Variants in KCNT2 observed in about 807,000 individuals in gnomAD.
The protein encoded by KCNT2 is potassium channel subfamily T member 2.
KCNT2 carries 67 observed loss-of-function variants against 153.8 expected under a neutral mutation model. The ratio of observed to expected loss-of-function variants is 0.44; its 90% confidence interval spans 0.36 to 0.53. The LOEUF (loss-of-function observed/expected upper bound fraction) is 0.53. Among genes scored for constraint, KCNT2 ranks in the 20% least tolerant of loss-of-function variants. The probability of loss-of-function intolerance (pLI) is 0.00; values close to 1 mark genes in which losing one functional copy is unlikely to be tolerated. For missense variants in KCNT2, 975 were observed against 1,354.8 expected (o/e 0.72, Z 4.40); for synonymous variants, 500 against 458.8 (o/e 1.09, Z -1.15).
At position 196,258,213 on chromosome 1, in the gene KCNT2, A is replaced by T. The variant is rs142715870; in HGVS notation, c.3192T>A (p.Gly1064=). 1.5e-4 allele frequency: 236 copies of T among 1,613,870 alleles called. 1 individual carries two copies. In the East Asian group the frequency reaches 5.2e-3, roughly 36 times the overall value. The change falls in exon 26 of 28, where the codon GGT becomes GGA. Residue 1064 remains glycine, a synonymous_variant. Transcript: ENST00000294725. ...GCATACCATATCCCACTGTAGAAAGACCCAAGTGTTTCATTCTATTTTTCA... is the reference window on the plus strand; with the variant it reads ...GCATACCATATCCCACTGTAGAAAGTCCCAAGTGTTTCATTCTATTTTTCA... ...ELVKNRMKHL[G]LSTVGYDEMN... is the part of the protein sequence containing the mutation.
intron 27 of KCNT2, among the ~76,000 whole-genome samples, chr1:196,233,965 A>G (rs982866479): frequency 2.2e-4 from 33 of 151,424 alleles, no homozygotes; most frequent in African/African-American, 7.5e-4. Context: ...GTTACACAGA[A>G]GAAATAAATT....
chr1:196,468,661 T>C (rs1233245029), intron 6 of KCNT2, among the ~76,000 whole-genome samples: 1 of 152,060 alleles, frequency 6.6e-6, no homozygotes, highest in Non-Finnish European at 1.5e-5. Flanking sequence ...TGTTTCCAAT[T>C]GGCTTATTTT....
intron 3 of KCNT2, among the ~76,000 whole-genome samples, chr1:196,489,268 T>C (rs962601393): frequency 2.0e-5 from 3 of 151,986 alleles, no homozygotes; most frequent in Non-Finnish European, 2.9e-5. Flanking sequence ...CAAATAACTA[T>C]TGTTTGCCAC....
chr1:196,268,484 T>C (rs1205817270), intron 25 of KCNT2, among the ~76,000 whole-genome samples: 1 of 152,124 alleles, frequency 6.6e-6, no homozygotes, highest in African/African-American at 2.4e-5. Context: ...AACCACAGGC[T>C]ACAAGCTTCA....
intron 26 of KCNT2, among the ~76,000 whole-genome samples, chr1:196,247,562 T>G (rs1453434441): frequency 6.6e-6 from 1 of 152,164 alleles, no homozygotes; most frequent in African/African-American, 2.4e-5. Context: ...CTCAGGAAAC[T>G]TACAATCATG....
chr1:196,451,430 TTTG>T (rs1676185599), intron 8 of KCNT2, among the ~76,000 whole-genome samples: 1 of 124,806 alleles, frequency 8.0e-6, no homozygotes, highest in African/African-American at 3.0e-5. Flanking sequence ...TTTTTTTTTT[TTTG>T]GATTTTAGTA....
intron 26 of KCNT2, among the ~76,000 whole-genome samples, chr1:196,239,232 A>G (rs1469175509): frequency 6.6e-6 from 1 of 151,932 alleles, no homozygotes; most frequent in Non-Finnish European, 1.5e-5. Context: ...TAACCAAAAT[A>G]CGACATTAGC....
At chr1:196,585,453 C>T (rs1207439997) in intron 1 of KCNT2, among the ~76,000 whole-genome samples, 1 of 152,072 alleles carries the variant, frequency 6.6e-6, no homozygotes, top group African/African-American at 2.4e-5. Flanking sequence ...TTGGACCACA[C>T]ATATTTATCT....
chr1:196,335,562 A>C (rs1489595290), intron 16 of KCNT2, among the ~76,000 whole-genome samples: 1 of 152,174 alleles, frequency 6.6e-6, no homozygotes, highest in East Asian at 1.9e-4. Context: ...TGGGACCACC[A>C]TTGTATATGC....
chr1:196,337,839 A>G (rs1665184580), intron 16 of KCNT2, among the ~76,000 whole-genome samples: 1 of 152,086 alleles, frequency 6.6e-6, no homozygotes, highest in African/African-American at 2.4e-5. Context: ...ATAACCCACT[A>G]GCATATTAAG....
At chr1:196,566,295 A>G (rs1050137689) in intron 1 of KCNT2, among the ~76,000 whole-genome samples, 1 of 152,012 alleles carries the variant, frequency 6.6e-6, no homozygotes, top group African/African-American at 2.4e-5. Context: ...GGGCACAGTG[A>G]CCTGAATAAA....
Position 196,452,949 on chromosome 1 carries a change from G to A in KCNT2, c.638+12344C>T, listed in dbSNP as rs543174528. Reference sequence around the variant, plus strand: ...TAGTCTCATCAAACTCACCCTAACAGAAACACTCAGAATGTTTCAACAACT... The same window carrying A: ...TAGTCTCATCAAACTCACCCTAACAAAAACACTCAGAATGTTTCAACAACT... On this transcript the variant is annotated intron_variant, in intron 8 of 27. Coordinates refer to ENST00000294725, the MANE Select transcript of KCNT2 (RefSeq NM_198503.5). 2.6e-5 allele frequency among the ~76,000 whole-genome samples: 4 copies of A among 152,054 alleles called. No individual in the cohort carries two copies. The South Asian group carries it at 8.3e-4, about 31-fold the overall frequency.
At chr1:196,451,217 C>CTATTTTT (rs1676135727) in intron 8 of KCNT2, among the ~76,000 whole-genome samples, 2 of 63,550 alleles carry the variant, frequency 3.1e-5, no homozygotes, top group African/African-American at 9.4e-5. Context: ...ATCCCTCTTT[C>CTATTTTT]TTTTTTTTTT....
chr1:196,305,215 T>G lies in KCNT2; in HGVS notation c.2595+19A>C. 7.6e-7 allele frequency: 1 copy of G among 1,322,994 alleles called. No individual in the cohort carries two copies. Among genetic ancestry groups the G allele is most frequent in the Non-Finnish European group, 1.1e-6 (1 of 915,112 alleles). 82.0% of individuals were successfully genotyped at this position (1,322,994 alleles called of 1,614,324 possible). A position where few individuals can be genotyped will look rare whatever the true frequency, so the allele number is the denominator to read the frequency against. ...TAAAGATGGTTAAATCTAATTTACT[T>G]GATAATGTGGGGTCTTACCTTTTCC... On this transcript the variant is annotated intron_variant, in intron 22 of 27. Coordinates refer to ENST00000294725, the MANE Select transcript of KCNT2 (RefSeq NM_198503.5).
intron 8 of KCNT2, among the ~76,000 whole-genome samples, chr1:196,435,135 G>GTGTGTATATA (rs747899287): frequency 7.8e-5 from 6 of 76,872 alleles, no homozygotes; most frequent in African/African-American, 1.4e-4. Flanking sequence ...GTGTGTGTGT[G>GTGTGTATATA]TATGTATATA....
chr1:196,273,546 C>T (rs1571869362), intron 25 of KCNT2: 2 of 1,245,828 alleles, frequency 1.6e-6, no homozygotes, highest in East Asian at 5.1e-5. Flanking sequence ...AATGACTAAA[C>T]AATAGATGCA....
At chr1:196,537,299 GTCTC>G in intron 1 of KCNT2, among the ~76,000 whole-genome samples, 1 of 152,304 alleles carries the variant, frequency 6.6e-6, no homozygotes, top group East Asian at 1.9e-4. Flanking sequence ...AAAGTCCATT[GTCTC>G]TCTCTCATGA....
chr1:196,562,062 T>G (rs776559597), intron 1 of KCNT2, among the ~76,000 whole-genome samples: 1 of 151,892 alleles, frequency 6.6e-6, no homozygotes, highest in Non-Finnish European at 1.5e-5. Flanking sequence ...TCTTATTGAC[T>G]TGAAAAAGGT....
intron 1 of KCNT2, among the ~76,000 whole-genome samples, chr1:196,560,778 G>T (rs761870133): frequency 6.6e-6 from 1 of 151,816 alleles, no homozygotes; most frequent in Non-Finnish European, 1.5e-5. Context: ...TGTGACAAAT[G>T]GTGCTGCCTT....
Sources: allele counts gnomAD v4.1 joint callset (sites outside exome capture counted in the v4.1 genomes callset), GRCh38; gene constraint gnomAD v4.1.1; transcripts MANE v1.5; gene names NCBI Gene and HGNC (gene_info 2026-07-23, HGNC 2026-07-21).